Variants in IQCM observed in about 807,000 individuals in gnomAD.
The protein encoded by IQCM is IQ domain-containing protein M.
A neutral mutation model predicts 57.6 loss-of-function variants in IQCM; 45 were observed. The ratio of observed to expected loss-of-function variants is 0.78; its 90% CI spans 0.62 to 1.00. IQCM has a LOEUF of 1.00. Ranked by LOEUF, IQCM falls within the 50% of genes least tolerant of loss-of-function variation. IQCM has a pLI of 0.00. For synonymous variants in IQCM, 148 were observed against 158.9 expected, an observed-to-expected ratio of 0.93 and a Z score of 0.51; for missense variants, 468 against 511.6, an observed-to-expected ratio of 0.91 and a Z score of 0.82.
rs141365626 is a variant in IQCM at position 149,724,669 on chromosome 4, G to T, written c.385+8575C>A. Among the ~76,000 whole-genome samples the T allele has an allele frequency of 1.5e-3, 231 of 152,048 alleles. 2 individuals carry two copies. The highest frequency in any genetic ancestry group is 5.3e-3 in the African/African-American group (219 of 41,494). ...CTCCATATCAACCCTAAATATATGT[G>T]CATGACATGGATGTAATGAAATCTT... On this transcript the variant is annotated intron_variant, in intron 5 of 13. Coordinates refer to ENST00000636793, the MANE Select transcript of IQCM (RefSeq NM_001363507.2).
At chr4:149,561,531 T>A (rs553092486) in intron 10 of IQCM, among the ~76,000 whole-genome samples, 1 of 152,226 alleles carries the variant, frequency 6.6e-6, no homozygotes, top group South Asian at 2.1e-4. Flanking sequence ...ATACAATAGG[T>A]ATTTGTTGAG....
chr4:149,476,933 A>G (rs766445499), intron 12 of IQCM, among the ~76,000 whole-genome samples: 3 of 152,172 alleles, frequency 2.0e-5, no homozygotes, highest in Non-Finnish European at 4.4e-5. Context: ...TACAATTTAT[A>G]TTAAACGGAA....
intron 12 of IQCM, among the ~76,000 whole-genome samples, chr4:149,490,213 GAT>G (rs138004205): frequency 2.7e-5 from 4 of 150,844 alleles, no homozygotes; most frequent in African/African-American, 7.3e-5. Context: ...TCAATTACCA[GAT>G]ATATATATAT....
chr4:149,444,323 C>A (rs934821300), intron 12 of IQCM, among the ~76,000 whole-genome samples: 3 of 151,790 alleles, frequency 2.0e-5, no homozygotes, highest in African/African-American at 4.8e-5. Flanking sequence ...TCAAAGTAAA[C>A]ATTTATCAAT....
intron 2 of IQCM, among the ~76,000 whole-genome samples, chr4:149,748,431 C>A (rs1768129413): frequency 6.6e-6 from 1 of 152,116 alleles, no homozygotes; most frequent in Non-Finnish European, 1.5e-5. Flanking sequence ...CATTTCAGTT[C>A]TCAACTCATT....
Position 149,619,107 on chromosome 4 carries a change from GATATATATATATATAT to G in IQCM, c.681+2006_681+2021del, listed in dbSNP as rs70965194. Among the ~76,000 whole-genome samples the G allele has an allele frequency of 1.2e-3, 156 of 126,804 alleles. 3 individuals are homozygous for G. Among genetic ancestry groups the G allele is most frequent in the African/African-American group, 4.5e-3 (145 of 32,390 alleles). The allele number at this position is 126,804 out of a possible 152,430, so 83.2% of individuals were successfully genotyped here. ...ATGACTGGATTAAAAATGTGGGATG[GATATATATATATATAT>G]ATATATATACACCATGGAATACTAC... On this transcript the variant is annotated intron_variant, in intron 8 of 13. Coordinates refer to ENST00000636793, the MANE Select transcript of IQCM (RefSeq NM_001363507.2).
At chr4:149,440,855 G>T (rs2111329527) in intron 12 of IQCM, among the ~76,000 whole-genome samples, 1 of 152,062 alleles carries the variant, frequency 6.6e-6, no homozygotes, top group Non-Finnish European at 1.5e-5. Context: ...TCTCAATCCT[G>T]TTCAAGATGT....
intron 12 of IQCM, among the ~76,000 whole-genome samples, chr4:149,498,814 C>T (rs1049972898): frequency 6.6e-6 from 1 of 152,120 alleles, no homozygotes; most frequent in Non-Finnish European, 1.5e-5. Context: ...TGCTCACTTT[C>T]CCACCATGAT....
intron 10 of IQCM, among the ~76,000 whole-genome samples, chr4:149,563,044 C>G (rs893880075): frequency 6.6e-6 from 1 of 152,104 alleles, no homozygotes; most frequent in Non-Finnish European, 1.5e-5. Flanking sequence ...CCAAGATGGA[C>G]CCACTTAGGT....
intron 13 of IQCM, among the ~76,000 whole-genome samples, chr4:149,420,233 G>A (rs1001040256): frequency 6.6e-6 from 1 of 151,992 alleles, no homozygotes; most frequent in African/African-American, 2.4e-5. Flanking sequence ...CAAAGACATG[G>A]AATCAAACCA....
intron 2 of IQCM, among the ~76,000 whole-genome samples, chr4:149,805,686 A>G (rs1344917588): frequency 6.6e-6 from 1 of 152,064 alleles, no homozygotes; most frequent in African/African-American, 2.4e-5. Context: ...CTCCATTAGC[A>G]TAAAAAGAAT....
intron 2 of IQCM, chr4:149,790,171 A>G: frequency 2.1e-6 from 1 of 479,510 alleles, no homozygotes. Flanking sequence ...AAGAACATGA[A>G]GAGAAAGTTT....
chr4:149,686,205 AAAC>A (rs1240162330), intron 6 of IQCM, among the ~76,000 whole-genome samples, 170 bp downstream of exon 6: 1 of 151,514 alleles, frequency 6.6e-6, no homozygotes, highest in African/African-American at 2.4e-5. Flanking sequence ...ATTGAACTGA[AAAC>A]AAAAATTTTG....
chr4:149,381,144 C>A (rs1236542383), intron 13 of IQCM, among the ~76,000 whole-genome samples: 1 of 152,096 alleles, frequency 6.6e-6, no homozygotes, highest in Non-Finnish European at 1.5e-5. Context: ...TGTATCCAAC[C>A]CCATAGCACG....
chr4:149,670,643 T>C (rs1761176837), intron 7 of IQCM, among the ~76,000 whole-genome samples: 1 of 152,200 alleles, frequency 6.6e-6, no homozygotes, highest in Non-Finnish European at 1.5e-5. Flanking sequence ...CATTTTGAGA[T>C]ATGTCCCATG....
chr4:149,429,178 C>T (rs921733744), intron 13 of IQCM, among the ~76,000 whole-genome samples: 1 of 151,784 alleles, frequency 6.6e-6, no homozygotes, highest in South Asian at 2.1e-4. Context: ...AAAAGCTTAA[C>T]GAAGGAGAGA....
chr4:149,536,598 T>C (rs896800370), intron 12 of IQCM, among the ~76,000 whole-genome samples: 1 of 152,060 alleles, frequency 6.6e-6, no homozygotes, highest in African/African-American at 2.4e-5. Context: ...TAACATTGTA[T>C]GCATGTAGTT....
intron 5 of IQCM, among the ~76,000 whole-genome samples, chr4:149,712,263 G>GC: frequency 6.6e-6 from 1 of 152,070 alleles, no homozygotes; most frequent in East Asian, 1.9e-4. Context: ...GCACTGACTT[G>GC]CTCAGGCAAC....
At chr4:149,743,179 T>A (rs1035438663) in intron 2 of IQCM, among the ~76,000 whole-genome samples, 1 of 152,178 alleles carries the variant, frequency 6.6e-6, no homozygotes, top group African/African-American at 2.4e-5. Context: ...AATATCCAGT[T>A]AATACCTGGC....
Sources: gnomAD v4.1 joint callset for allele counts (sites outside exome capture counted in the v4.1 genomes callset) on GRCh38, gnomAD v4.1.1 for gene constraint, MANE v1.5 for transcripts, NCBI Gene and HGNC (gene_info 2026-07-23, HGNC 2026-07-21) for gene names.